Variants in CADPS2 observed in about 807,000 individuals in gnomAD.
The protein encoded by CADPS2 is calcium-dependent secretion activator 2.
CADPS2 carries 93 observed loss-of-function variants against 172.5 expected under a neutral mutation model. The ratio of observed to expected loss-of-function variants is 0.54; its 90% CI spans 0.46 to 0.64. CADPS2 has a LOEUF of 0.64. CADPS2 is among the 30% of genes least tolerant of loss of function. The pLI, the probability that CADPS2 is intolerant of heterozygous loss-of-function variation, is 0.00. For missense variants in CADPS2, 1,420 were observed against 1,565.9 expected, an observed-to-expected ratio of 0.91 and a Z score of 1.57; for synonymous variants, 546 against 555.2, an observed-to-expected ratio of 0.98 and a Z score of 0.23.
rs1249609839 is a variant in CADPS2, at chr7:122,571,916, T to A, written c.1335+9263A>T. ...AGTAGATTAAAGATGTTTTATTGAA[T>A]AATTAACTATACTAATTTTTCACAA... On this transcript the variant is annotated intron_variant, in intron 7 of 29. Coordinates refer to ENST00000449022, the MANE Select transcript of CADPS2 (RefSeq NM_017954.11). Among the ~76,000 whole-genome samples, 8 of 152,178 alleles carry A rather than the reference T, an allele frequency of 5.3e-5. No homozygotes were observed. In the East Asian group the frequency reaches 1.5e-3, roughly 29 times the overall value.
chr7:122,478,349 A>G lies in CADPS2; in HGVS notation c.1861+2503T>C, dbSNP rs568527413. 3.9e-5 allele frequency among the ~76,000 whole-genome samples: 6 copies of G among 152,368 alleles called. No individual in the cohort carries two copies. In the South Asian group the frequency reaches 1.2e-3, roughly 32 times the overall value. On this transcript the variant is annotated intron_variant, in intron 12 of 29. Transcript: ENST00000449022. The stretch of plus-strand genomic sequence containing the variant: ...CCAACAAGCTATGAGCTTAAGCAGT[A>G]TACTGCAAAACTGTCATAAATTGTG...
At chr7:122,555,943 A>C (rs544771536) in intron 7 of CADPS2, among the ~76,000 whole-genome samples, 1 of 152,168 alleles carries the variant, frequency 6.6e-6, no homozygotes, top group South Asian at 2.1e-4. Context: ...TCTCTCTAGG[A>C]AAGACAACAC....
At chr7:122,429,880 G>GC (rs2049653691) in intron 17 of CADPS2, among the ~76,000 whole-genome samples, 2 of 146,860 alleles carry the variant, frequency 1.4e-5, no homozygotes, top group Non-Finnish European at 3.0e-5. Flanking sequence ...AAACTGTGCA[G>GC]TTTTTTTTTT....
chr7:122,723,834 A>G (rs2090768176), intron 2 of CADPS2, among the ~76,000 whole-genome samples: 1 of 152,176 alleles, frequency 6.6e-6, no homozygotes, highest in South Asian at 2.1e-4. Flanking sequence ...TACACCATGG[A>G]AGACTATGCA....
chr7:122,776,042 G>A (rs1472146971), intron 1 of CADPS2, among the ~76,000 whole-genome samples: 1 of 152,090 alleles, frequency 6.6e-6, no homozygotes, highest in Non-Finnish European at 1.5e-5. Flanking sequence ...AAAAAGGAGG[G>A]TTTTTTAAAT....
At chr7:122,735,867 G>A in intron 2 of CADPS2, among the ~76,000 whole-genome samples, 1 of 152,136 alleles carries the variant, frequency 6.6e-6, no homozygotes, top group Middle Eastern at 3.4e-3. Context: ...AGTTAATACT[G>A]TAAGATTCAA....
At chr7:122,605,987 C>T (rs528887012) in intron 6 of CADPS2, among the ~76,000 whole-genome samples, 23 of 152,152 alleles carry the variant, frequency 1.5e-4, no homozygotes, top group African/African-American at 5.5e-4. Context: ...TAAATGTCCC[C>T]AAACCACACA....
intron 28 of CADPS2, among the ~76,000 whole-genome samples, chr7:122,345,151 A>G (rs2037379564): frequency 6.6e-6 from 1 of 152,000 alleles, no homozygotes; most frequent in Admixed American, 6.6e-5. Context: ...TTTGAGAGAA[A>G]GTCTCACTCT....
chr7:122,708,826 A>G (rs938393179), intron 2 of CADPS2, among the ~76,000 whole-genome samples: 1 of 151,900 alleles, frequency 6.6e-6, no homozygotes, highest in Admixed American at 6.6e-5. Flanking sequence ...ACTCATTATT[A>G]CTACTCTGGG....
At position 122,597,066 on chromosome 7, in the gene CADPS2, A is replaced by G. The variant is rs1306298938; in HGVS notation, c.1224-15776T>C. On this transcript the variant is annotated intron_variant, in intron 6 of 29. Transcript: ENST00000449022. ...ATTTTAACAACCAGCTCTTGCAGCAAATAAAAGAGCAAGAACTCACTCAAG... is the reference window on the plus strand; with the variant it reads ...ATTTTAACAACCAGCTCTTGCAGCAGATAAAAGAGCAAGAACTCACTCAAG... Among the ~76,000 whole-genome samples, 4 of 152,076 alleles carry G rather than the reference A, an allele frequency of 2.6e-5. No homozygotes were observed. In the East Asian group the frequency reaches 7.8e-4, roughly 30 times the overall value.
At chr7:122,648,251 G>A (rs1273062897) in intron 3 of CADPS2, among the ~76,000 whole-genome samples, 2 of 151,998 alleles carry the variant, frequency 1.3e-5, no homozygotes, top group East Asian at 3.9e-4. Flanking sequence ...TCTGTCCTGG[G>A]CTCCTTTTCT....
intron 8 of CADPS2, among the ~76,000 whole-genome samples, chr7:122,542,141 T>C (rs2063162940): frequency 6.6e-6 from 1 of 151,868 alleles, no homozygotes; most frequent in Non-Finnish European, 1.5e-5. Context: ...AAATTGGTGA[T>C]TGTCATATTC....
intron 2 of CADPS2, among the ~76,000 whole-genome samples, chr7:122,673,051 C>T (rs925008126): frequency 1.3e-5 from 2 of 152,102 alleles, no homozygotes; most frequent in Admixed American, 6.5e-5. Context: ...TACAAGGCAT[C>T]GCCTCTGGAA....
chr7:122,426,452 A>ATGTGTG (rs3840625), intron 17 of CADPS2, among the ~76,000 whole-genome samples: 6 of 151,682 alleles, frequency 4.0e-5, no homozygotes, highest in African/African-American at 1.5e-4. Flanking sequence ...TAAAATATAA[A>ATGTGTG]TGTGTGTCTT....
At chr7:122,770,937 A>G (rs1225487944) in intron 1 of CADPS2, among the ~76,000 whole-genome samples, 1 of 152,194 alleles carries the variant, frequency 6.6e-6, no homozygotes, top group Admixed American at 6.5e-5. Flanking sequence ...TCAGTGCTCC[A>G]TAAGGCTTTA....
At chr7:122,885,896 G>A (rs2141861873) in intron 1 of CADPS2, 103 bp downstream of exon 1, 5 of 1,332,740 alleles carry the variant, frequency 3.8e-6, no homozygotes, top group South Asian at 1.3e-5. Flanking sequence ...ACAAAAATAC[G>A]GTGTCCTGCG....
chr7:122,676,802 A>G, intron 2 of CADPS2: 2 of 840,182 alleles, frequency 2.4e-6, no homozygotes, highest in South Asian at 3.8e-5. Context: ...TCCATGGGAC[A>G]AGATTCCGAA....
At chr7:122,447,846 C>T (rs146817950) in intron 15 of CADPS2, among the ~76,000 whole-genome samples, 169 of 152,130 alleles carry the variant, frequency 1.1e-3, no homozygotes, top group African/African-American at 3.8e-3. Flanking sequence ...AGCCACTGCA[C>T]CCAGCCAGTT....
At chr7:122,491,280 A>C in intron 10 of CADPS2, 32 bp downstream of exon 10, 2 of 1,407,792 alleles carry the variant, frequency 1.4e-6, no homozygotes, top group Non-Finnish European at 2.0e-6. Context: ...GCATACATAC[A>C]TGGCAGGAAA....
Sources: gnomAD v4.1 joint callset for allele counts (sites outside exome capture counted in the v4.1 genomes callset) on GRCh38, gnomAD v4.1.1 for gene constraint, MANE v1.5 for transcripts, NCBI Gene and HGNC (gene_info 2026-07-23, HGNC 2026-07-21) for gene names.